ASTN2: variants seen among roughly 807,000 people sequenced by gnomAD.
ASTN2 encodes the protein astrotactin-2.
Under a neutral mutation model 139.8 loss-of-function variants are expected in ASTN2, and 54 were observed. The ratio of observed to expected loss-of-function variants is 0.39; its 90% CI spans 0.31 to 0.48. The LOEUF is 0.48. Ranked by LOEUF, ASTN2 falls within the 20% of genes least tolerant of loss-of-function variation. ASTN2 has a pLI of 0.95. For synonymous variants in ASTN2, 756 were observed against 719.5 expected (o/e 1.05, Z -0.81); for missense variants, 1,565 against 1,725.1 (o/e 0.91, Z 1.64).
intron 19 of ASTN2, among the ~76,000 whole-genome samples, chr9:116,579,942 C>T (rs1853882092): frequency 6.6e-6 from 1 of 152,128 alleles, no homozygotes; most frequent in Non-Finnish European, 1.5e-5. Flanking sequence ...CTGCCTCGGC[C>T]TCCTGAGTAG....
chr9:117,262,568 C>G (rs1037235725), intron 2 of ASTN2, among the ~76,000 whole-genome samples: 1 of 152,066 alleles, frequency 6.6e-6, no homozygotes, highest in African/African-American at 2.4e-5. Context: ...GCCACCTAAC[C>G]CAGAGTTGGC....
intron 19 of ASTN2, among the ~76,000 whole-genome samples, chr9:116,605,208 T>TC (rs1320328206): frequency 6.6e-6 from 1 of 151,820 alleles, no homozygotes; most frequent in East Asian, 1.9e-4. Context: ...GTGATACTGA[T>TC]CGGGGGGGAG....
chr9:117,336,221 A>C (rs1828879584), intron 1 of ASTN2, among the ~76,000 whole-genome samples: 1 of 152,172 alleles, frequency 6.6e-6, no homozygotes, highest in Admixed American at 6.5e-5. Flanking sequence ...GTATGAGCAC[A>C]CTGGTGCACA....
chr9:117,063,382 G>A (rs549641170), intron 5 of ASTN2, among the ~76,000 whole-genome samples: 8 of 152,260 alleles, frequency 5.3e-5, no homozygotes, highest in African/African-American at 1.9e-4. Context: ...AATCACGGGG[G>A]TGATTTCTCC....
chr9:116,473,082 G>C (rs1848867629), intron 20 of ASTN2, among the ~76,000 whole-genome samples: 2 of 152,166 alleles, frequency 1.3e-5, no homozygotes, highest in African/African-American at 4.8e-5. Flanking sequence ...CAAAGAGTTA[G>C]TGGACCAAAA....
intron 10 of ASTN2, among the ~76,000 whole-genome samples, chr9:116,901,378 CAT>C: frequency 6.6e-6 from 1 of 152,194 alleles, no homozygotes; most frequent in East Asian, 1.9e-4. Flanking sequence ...ATTAGCCAGA[CAT>C]AGTGGCATAT....
At chr9:117,174,087 G>A (rs1830858447) in intron 3 of ASTN2, among the ~76,000 whole-genome samples, 1 of 151,326 alleles carries the variant, frequency 6.6e-6, no homozygotes, top group African/African-American at 2.4e-5. Flanking sequence ...TTATAGATGT[G>A]GTAGAGACTT....
chr9:117,396,375 C>T (rs1830677440), intron 1 of ASTN2, among the ~76,000 whole-genome samples: 1 of 152,224 alleles, frequency 6.6e-6, no homozygotes, highest in Non-Finnish European at 1.5e-5. Context: ...TGCTAAAGTG[C>T]TGCCTCTCCA....
At chr9:116,740,309 A>C (rs1022464321) in intron 13 of ASTN2, among the ~76,000 whole-genome samples, 3 of 152,170 alleles carry the variant, frequency 2.0e-5, no homozygotes, top group Non-Finnish European at 4.4e-5. Flanking sequence ...TCTTCTTTGT[A>C]GATTCCAGAT....
At chr9:116,988,581 G>C (rs777529513) in intron 7 of ASTN2, among the ~76,000 whole-genome samples, 15 of 152,128 alleles carry the variant, frequency 9.9e-5, no homozygotes, top group African/African-American at 3.4e-4. Context: ...AACTGAAGCC[G>C]CAAAGTGTTA....
At chr9:117,129,077 T>C (rs1195712100) in intron 4 of ASTN2, among the ~76,000 whole-genome samples, 3 of 152,188 alleles carry the variant, frequency 2.0e-5, no homozygotes, top group South Asian at 4.1e-4. Flanking sequence ...ATCAGGCAGC[T>C]TGAAGGTTAT....
intron 1 of ASTN2, among the ~76,000 whole-genome samples, chr9:117,364,306 C>A (rs1829774528): frequency 6.6e-6 from 1 of 152,158 alleles, no homozygotes; most frequent in Admixed American, 6.5e-5. Flanking sequence ...CCAATAAAGA[C>A]CAACTCTTAG....
At chr9:117,242,333 A>T (rs1226908208) in intron 2 of ASTN2, among the ~76,000 whole-genome samples, 1 of 151,562 alleles carries the variant, frequency 6.6e-6, no homozygotes, top group East Asian at 1.9e-4. Flanking sequence ...TTCCTTTTAC[A>T]CTCTGCTGGT....
intron 10 of ASTN2, among the ~76,000 whole-genome samples, chr9:116,898,685 T>C (rs991523997): frequency 3.9e-5 from 6 of 152,238 alleles, no homozygotes; most frequent in Non-Finnish European, 8.8e-5. Flanking sequence ...TTTTTATTTT[T>C]TTGAGACAGG....
chr9:116,618,401 G>T lies in ASTN2; in HGVS notation c.3278C>A (p.Ala1093Asp), dbSNP rs746575892. ...ATAGTCGGAGACCTTGGTCCCAATA[G>T]CTGGCTGAACATCCACCCACTCCAA... ...VSLEWVDVQP[A>D]IGTKVSDYIL... is the part of the protein sequence containing the mutation. The change falls in exon 19 of 23, where the codon GCT becomes GAT. Residue 1093 changes from alanine (A) to aspartate (D), a missense_variant. Physicochemically the swap from Ala to Asp is moderately radical, Grantham distance 126. Transcript: ENST00000313400. 1 of 1,614,138 alleles carries T rather than the reference G, an allele frequency of 6.2e-7. No individual in the cohort carries two copies.
chr9:116,447,415 C>G (rs1223954385), intron 20 of ASTN2, among the ~76,000 whole-genome samples: 2 of 152,122 alleles, frequency 1.3e-5, no homozygotes, highest in Non-Finnish European at 2.9e-5. Context: ...ACTCTAAACA[C>G]CTACACCTGG....
intron 19 of ASTN2, among the ~76,000 whole-genome samples, chr9:116,588,807 T>C (rs1015195195): frequency 1.3e-5 from 2 of 152,214 alleles, no homozygotes; most frequent in African/African-American, 4.8e-5. Context: ...TTATCCACTT[T>C]TATATGGGTA....
Position 117,171,108 on chromosome 9 carries a change from C to T in ASTN2, c.1016-29630G>A, listed in dbSNP as rs10983557. Reference sequence around the variant, plus strand: ...GAATTTGGACTAACTTCTCAGGATGCTAGCACTTTGCAGGAGGAATTTAAA... The same window carrying T: ...GAATTTGGACTAACTTCTCAGGATGTTAGCACTTTGCAGGAGGAATTTAAA... On this transcript the variant is annotated intron_variant, in intron 3 of 22. Coordinates refer to ENST00000313400, the MANE Select transcript of ASTN2 (RefSeq NM_001365068.1). 2.0e-3 allele frequency among the ~76,000 whole-genome samples: 302 copies of T among 152,066 alleles called. 2 individuals carry two copies. Among genetic ancestry groups the T allele is most frequent in the Non-Finnish European group, 2.7e-3 (185 of 67,984 alleles).
chr9:116,840,876 C>G (rs1013360343), intron 11 of ASTN2, among the ~76,000 whole-genome samples: 1 of 151,402 alleles, frequency 6.6e-6, no homozygotes, highest in African/African-American at 2.4e-5. Flanking sequence ...CGGGTAGAGA[C>G]GCTCCTCACT....
Sources: gnomAD v4.1 joint callset for allele counts (sites outside exome capture counted in the v4.1 genomes callset) on GRCh38, gnomAD v4.1.1 for gene constraint, MANE v1.5 for transcripts, NCBI Gene and HGNC (gene_info 2026-07-23, HGNC 2026-07-21) for gene names.